UBE4B: variants seen among roughly 807,000 people sequenced by gnomAD.
UBE4B encodes the protein ubiquitin conjugation factor E4 B.
In UBE4B, 27 loss-of-function variants were observed where a neutral mutation model predicts 148.1. That is an observed-to-expected ratio of 0.18 (90% CI 0.13 to 0.25). The LOEUF is 0.25. UBE4B is among the 10% of genes least tolerant of loss of function. The pLI, the probability that UBE4B is intolerant of heterozygous loss-of-function variation, is 1.00. For synonymous variants in UBE4B, 596 were observed against 619.3 expected (o/e 0.96, Z 0.56); for missense variants, 1,170 against 1,662.4 (o/e 0.70, Z 5.15).
Position 10,095,832 on chromosome 1 carries a change from T to C in UBE4B, c.347+236T>C, listed in dbSNP as rs1201562543. ...TGTCGCCCAGGCTGGAGTGCAGTGG[T>C]GCGATCATGGCTCACTGCAATTTCC... On this transcript the variant is annotated intron_variant, in intron 3 of 27. Coordinates refer to ENST00000343090, the MANE Select transcript of UBE4B (RefSeq NM_001105562.3). Among the ~76,000 whole-genome samples, 4 of 152,212 alleles carry C rather than the reference T, an allele frequency of 2.6e-5. No homozygotes were observed. In the East Asian group the frequency reaches 7.7e-4, roughly 29 times the overall value.
intron 7 of UBE4B, chr1:10,107,478 G>T: frequency 8.5e-7 from 1 of 1,180,530 alleles, no homozygotes. Flanking sequence ...GCAGGATAGG[G>T]TCAAATGAGG....
chr1:10,175,331 A>G (rs1479511799), intron 25 of UBE4B, among the ~76,000 whole-genome samples: 1 of 152,092 alleles, frequency 6.6e-6, no homozygotes, highest in African/African-American at 2.4e-5. Flanking sequence ...ATTAAAAAAG[A>G]AAAAAAATTC....
At chr1:10,173,495 T>TTA (rs1275354516) in intron 25 of UBE4B, among the ~76,000 whole-genome samples, 92 of 141,918 alleles carry the variant, frequency 6.5e-4, no homozygotes, top group East Asian at 1.2e-3. Context: ...AAAAAAAAAA[T>TTA]TATATATATA....
chr1:10,044,897 C>A (rs777149061), intron 1 of UBE4B, among the ~76,000 whole-genome samples: 1 of 152,084 alleles, frequency 6.6e-6, no homozygotes, highest in Non-Finnish European at 1.5e-5. Context: ...CCCTTTATTT[C>A]TATTATTATT....
chr1:10,154,556 G>A (rs1471356919), intron 21 of UBE4B, among the ~76,000 whole-genome samples: 3 of 151,948 alleles, frequency 2.0e-5, no homozygotes, highest in African/African-American at 7.3e-5. Flanking sequence ...AAAAACAACT[G>A]GCCGGGCTCA....
At chr1:10,175,649 T>TC (rs1250871175) in intron 25 of UBE4B, among the ~76,000 whole-genome samples, 2 of 151,242 alleles carry the variant, frequency 1.3e-5, no homozygotes, top group African/African-American at 2.4e-5. Flanking sequence ...AGACTCCGTC[T>TC]CAAATAAATA....
At chr1:10,036,539 T>C (rs1206374839) in intron 1 of UBE4B, among the ~76,000 whole-genome samples, 1 of 151,906 alleles carries the variant, frequency 6.6e-6, no homozygotes, top group African/African-American at 2.4e-5. Flanking sequence ...CTTGCCATGT[T>C]TCCCAGGATG....
Position 10,102,699 on chromosome 1 carries a change from C to G in UBE4B, c.436-249C>G, listed in dbSNP as rs7540888. Among the ~76,000 whole-genome samples the G allele has an allele frequency of 5.3e-3, 810 of 152,108 alleles. 11 individuals carry two copies. Among genetic ancestry groups the G allele is most frequent in the African/African-American group, 0.018 (755 of 41,494 alleles). On this transcript the variant is annotated intron_variant, in intron 4 of 27. Transcript: ENST00000343090. ...ATGCTGGGATTACAGGTGTGAGCCA[C>G]CACGCCCGGCCATCTTTGCTCTTTT...
rs142137213 is a variant in UBE4B at position 10,115,629 on chromosome 1, A to G, written c.1197-1830A>G. Among the ~76,000 whole-genome samples the G allele has an allele frequency of 2.3e-3, 347 of 152,308 alleles. 3 individuals are homozygous for G. Among genetic ancestry groups the G allele is most frequent in the African/African-American group, 7.9e-3 (330 of 41,574 alleles). On this transcript the variant is annotated intron_variant, in intron 7 of 27. Transcript: ENST00000343090. ...TGTAGTTTTCCAAAGTCTAAGGACA[A>G]TGATGTCCATACAGACATGTGTCCT...
intron 21 of UBE4B, among the ~76,000 whole-genome samples, chr1:10,155,708 GAT>G (rs766365583): frequency 2.4e-4 from 36 of 152,226 alleles, no homozygotes; most frequent in Non-Finnish European, 3.2e-4. Context: ...ACACCACAGA[GAT>G]AGTATTCTAG....
intron 6 of UBE4B, 134 bp downstream of exon 6, chr1:10,105,878 T>C: frequency 9.9e-7 from 1 of 1,006,312 alleles, no homozygotes; most frequent in Non-Finnish European, 1.4e-6. Context: ...GGGAGGTGGA[T>C]TTAGTCATTG....
chr1:10,094,994 ATC>A (rs1191286006), intron 2 of UBE4B, among the ~76,000 whole-genome samples: 1 of 152,044 alleles, frequency 6.6e-6, no homozygotes, highest in African/African-American at 2.4e-5. Context: ...GGCCAGGCTA[ATC>A]TTGAACTCCA....
At chr1:10,117,841 C>G (rs1042333010) in intron 8 of UBE4B, among the ~76,000 whole-genome samples, 5 of 152,198 alleles carry the variant, frequency 3.3e-5, no homozygotes, top group African/African-American at 1.2e-4. Flanking sequence ...GGCCTGGCTT[C>G]AGAGTCCTCT....
At chr1:10,157,380 G>A (rs1394124765) in intron 21 of UBE4B, among the ~76,000 whole-genome samples, 2 of 142,028 alleles carry the variant, frequency 1.4e-5, no homozygotes, top group Non-Finnish European at 3.2e-5. Context: ...GGGATGCTGA[G>A]GTGGGAGGAT....
chr1:10,178,444 T>G (rs1188498120), intron 25 of UBE4B, among the ~76,000 whole-genome samples, 200 bp from the exon 26 acceptor site: 2 of 152,224 alleles, frequency 1.3e-5, no homozygotes, highest in Non-Finnish European at 2.9e-5. Flanking sequence ...TATCCATTTG[T>G]AAGCATAAAA....
At chr1:10,036,436 A>G (rs189263292) in intron 1 of UBE4B, among the ~76,000 whole-genome samples, 5 of 152,112 alleles carry the variant, frequency 3.3e-5, no homozygotes, top group Non-Finnish European at 7.4e-5. Context: ...TGGTTCAATA[A>G]CTGTTAATTT....
At chr1:10,128,865 G>A (rs940448849) in intron 11 of UBE4B, 3 of 152,574 alleles carry the variant, frequency 2.0e-5, no homozygotes, top group African/African-American at 7.2e-5. Context: ...AGGATGGTTG[G>A]ATGTCTGAAG....
chr1:10,113,324 C>G (rs1645252632), intron 7 of UBE4B, among the ~76,000 whole-genome samples: 1 of 152,204 alleles, frequency 6.6e-6, no homozygotes, highest in African/African-American at 2.4e-5. Flanking sequence ...GGATCTGCCC[C>G]CATGATCCAG....
intron 25 of UBE4B, among the ~76,000 whole-genome samples, chr1:10,177,737 A>G (rs1282379883): frequency 1.3e-5 from 2 of 151,978 alleles, no homozygotes; most frequent in Non-Finnish European, 2.9e-5. Context: ...ACAAATACAA[A>G]TATATATCAT....
Sources: allele counts gnomAD v4.1 joint callset (sites outside exome capture counted in the v4.1 genomes callset), GRCh38; gene constraint gnomAD v4.1.1; transcripts MANE v1.5; gene names NCBI Gene and HGNC (gene_info 2026-07-23, HGNC 2026-07-21).